Variants in PPARGC1A observed in about 807,000 individuals in gnomAD.
PPARGC1A encodes peroxisome proliferator-activated receptor gamma coactivator 1-alpha.
PPARGC1A carries 25 observed loss-of-function variants against 88.7 expected under a neutral mutation model. The ratio of observed to expected loss-of-function variants is 0.28; its 90% CI spans 0.21 to 0.39. PPARGC1A has a LOEUF of 0.39. PPARGC1A is among the 10% of genes least tolerant of loss of function. PPARGC1A has a pLI of 1.00. For missense variants in PPARGC1A, 880 were observed against 968.7 expected, an observed-to-expected ratio of 0.91 and a Z score of 1.22; for synonymous variants, 363 against 355.6, an observed-to-expected ratio of 1.02 and a Z score of -0.24.
chr4:23,977,055 GAAGAAGAAGAAGA>G, the PPARGC1A span, among the ~76,000 whole-genome samples: 3 of 151,820 alleles, frequency 2.0e-5, no homozygotes, highest in African/African-American at 4.8e-5. Context: ...AGAGGAAGAG[GAAGAAGAAGAAGA>G]AAGAAGAAGA....
At chr4:24,203,174 A>C in the PPARGC1A span, among the ~76,000 whole-genome samples, 2 of 152,234 alleles carry the variant, frequency 1.3e-5, no homozygotes, top group South Asian at 4.1e-4. Context: ...GGAAGCAAGG[A>C]AACTTCCAGA....
chr4:24,283,065 C>T, the PPARGC1A span, among the ~76,000 whole-genome samples: 1 of 152,252 alleles, frequency 6.6e-6, no homozygotes, highest in Admixed American at 6.5e-5. Flanking sequence ...CCTCACTTCT[C>T]CTTTGCAACA....
the PPARGC1A span, among the ~76,000 whole-genome samples, chr4:23,939,782 A>G: frequency 1.3e-5 from 2 of 152,184 alleles, no homozygotes; most frequent in Admixed American, 6.5e-5. Context: ...ACTCAAGAAG[A>G]AAGTGATATT....
the PPARGC1A span, among the ~76,000 whole-genome samples, chr4:23,945,719 C>A: frequency 6.6e-6 from 1 of 152,182 alleles, no homozygotes; most frequent in African/African-American, 2.4e-5. Context: ...CCTTATAGAT[C>A]TGTCCATCAA....
the PPARGC1A span, among the ~76,000 whole-genome samples, chr4:24,286,849 C>T: frequency 6.6e-6 from 1 of 152,180 alleles, no homozygotes; most frequent in African/African-American, 2.4e-5. Context: ...AAGATGCTGG[C>T]GAGGGCTACA....
the PPARGC1A span, among the ~76,000 whole-genome samples, chr4:23,988,653 A>G: frequency 9.0e-4 from 136 of 151,898 alleles, no homozygotes; most frequent in African/African-American, 3.2e-3. Flanking sequence ...ATAGATATGT[A>G]TATTTATGTA....
At chr4:23,933,575 T>C in the PPARGC1A span, among the ~76,000 whole-genome samples, 1 of 152,150 alleles carries the variant, frequency 6.6e-6, no homozygotes, top group Non-Finnish European at 1.5e-5. Context: ...AAACATGATT[T>C]AATATTAAGG....
the PPARGC1A span, among the ~76,000 whole-genome samples, chr4:23,949,205 T>C: frequency 2.0e-5 from 3 of 152,264 alleles, no homozygotes; most frequent in South Asian, 4.1e-4. Context: ...ACTACATACA[T>C]AGATGAAGTA....
At chr4:24,447,994 C>T in the PPARGC1A span, among the ~76,000 whole-genome samples, 1 of 152,186 alleles carries the variant, frequency 6.6e-6, no homozygotes, top group South Asian at 2.1e-4. Context: ...GTACACAGAG[C>T]GTGTCTGCTG....
chr4:23,859,936 G>A (rs1577546112), intron 2 of PPARGC1A, among the ~76,000 whole-genome samples: 2 of 152,068 alleles, frequency 1.3e-5, no homozygotes, highest in South Asian at 4.2e-4. Context: ...CAAGAAGAAT[G>A]GGGACCTGAA....
chr4:24,437,896 C>T, the PPARGC1A span, among the ~76,000 whole-genome samples: 1 of 152,060 alleles, frequency 6.6e-6, no homozygotes, highest in African/African-American at 2.4e-5. Context: ...AGGCTGGTCT[C>T]GAACTCCTGA....
the PPARGC1A span, among the ~76,000 whole-genome samples, chr4:24,264,756 A>G: frequency 2.8e-4 from 43 of 152,344 alleles, no homozygotes; most frequent in Non-Finnish European, 5.6e-4. Context: ...AGGAATGCAA[A>G]AGCCCCAGAC....
the PPARGC1A span, among the ~76,000 whole-genome samples, chr4:24,096,446 A>G: frequency 1.3e-5 from 2 of 152,212 alleles, no homozygotes; most frequent in African/African-American, 4.8e-5. Context: ...AGCCTCTAGA[A>G]CTGTGAGACA....
chr4:24,380,967 T>C, the PPARGC1A span, among the ~76,000 whole-genome samples: 5 of 148,698 alleles, frequency 3.4e-5, no homozygotes, highest in South Asian at 1.1e-3. Context: ...ACTCAGCATG[T>C]AGCTGTGTGA....
At chr4:23,807,292 T>A (rs1719980183) in intron 10 of PPARGC1A, among the ~76,000 whole-genome samples, 1 of 152,184 alleles carries the variant, frequency 6.6e-6, no homozygotes, top group Non-Finnish European at 1.5e-5. Flanking sequence ...ATTGATTATC[T>A]AACCTAATTC....
chr4:24,087,407 C>G, the PPARGC1A span, among the ~76,000 whole-genome samples: 2 of 152,128 alleles, frequency 1.3e-5, no homozygotes, highest in East Asian at 3.8e-4. Context: ...CACAGATAGA[C>G]AGTATTTCTA....
chr4:24,011,313 G>A, the PPARGC1A span, among the ~76,000 whole-genome samples: 71 of 152,072 alleles, frequency 4.7e-4, 1 homozygote, highest in South Asian at 9.8e-3. Context: ...CCATCATAAG[G>A]GCTTGGAGGA....
rs192915368 is a variant in PPARGC1A at position 23,887,158 on chromosome 4, G to T, written c.55-2227C>A. On this transcript the variant is annotated intron_variant, in intron 1 of 12. Coordinates refer to ENST00000264867, the MANE Select transcript of PPARGC1A (RefSeq NM_013261.5). Reference sequence around the variant, plus strand: ...CAATTTGTTGTATTGGTGCTATCTTGTCATTTACATATTCCTTTCCTTCCT... The same window carrying T: ...CAATTTGTTGTATTGGTGCTATCTTTTCATTTACATATTCCTTTCCTTCCT... Among the ~76,000 whole-genome samples the T allele has an allele frequency of 1.2e-3, 184 of 152,256 alleles. 2 individuals carry two copies. The highest frequency in any genetic ancestry group is 4.2e-3 in the African/African-American group (173 of 41,548).
the PPARGC1A span, among the ~76,000 whole-genome samples, chr4:23,988,194 C>T: frequency 6.6e-6 from 1 of 152,062 alleles, no homozygotes; most frequent in African/African-American, 2.4e-5. Context: ...CACTGATGGA[C>T]ATTTGGGTTG....
Sources: gnomAD v4.1 joint callset for allele counts (sites outside exome capture counted in the v4.1 genomes callset) on GRCh38, gnomAD v4.1.1 for gene constraint, MANE v1.5 for transcripts, NCBI Gene and HGNC (gene_info 2026-07-23, HGNC 2026-07-21) for gene names.